The following AFG2A variants were observed in gnomAD, a reference collection of about 807,000 sequenced individuals.
The protein encoded by AFG2A is ATPase family gene 2 protein homolog A.
At chr4:123,009,356 G>A in the AFG2A span, among the ~76,000 whole-genome samples, 1 of 152,110 alleles carries the variant, frequency 6.6e-6, no homozygotes, top group African/African-American at 2.4e-5. Flanking sequence ...ACTTCCCAGG[G>A]CAAAAGCAAG....
chr4:123,024,227 CAAA>C, the AFG2A span, among the ~76,000 whole-genome samples: 2 of 123,656 alleles, frequency 1.6e-5, no homozygotes, highest in African/African-American at 3.2e-5. Flanking sequence ...AGACTATAAG[CAAA>C]AAAAAAAAAA....
At chr4:123,265,778 G>C in the AFG2A span, among the ~76,000 whole-genome samples, 1 of 152,148 alleles carries the variant, frequency 6.6e-6, no homozygotes, top group East Asian at 1.9e-4. Flanking sequence ...AGTCCCCAAG[G>C]CTGATATCCA....
the AFG2A span, among the ~76,000 whole-genome samples, chr4:123,043,056 G>T: frequency 6.6e-6 from 1 of 152,054 alleles, no homozygotes; most frequent in African/African-American, 2.4e-5. Context: ...AATATTTCTT[G>T]TAGTGGAGAT....
the AFG2A span, among the ~76,000 whole-genome samples, chr4:123,161,181 T>G: frequency 6.6e-6 from 1 of 152,220 alleles, no homozygotes; most frequent in Non-Finnish European, 1.5e-5. Context: ...TCACTGAATT[T>G]TTTTTGATTG....
chr4:123,305,995 G>A, the AFG2A span, among the ~76,000 whole-genome samples: 3 of 152,122 alleles, frequency 2.0e-5, no homozygotes, highest in African/African-American at 4.8e-5. Flanking sequence ...TTCTCATCCC[G>A]CGGAGTTGCT....
At chr4:123,277,630 A>G in the AFG2A span, among the ~76,000 whole-genome samples, 1 of 152,088 alleles carries the variant, frequency 6.6e-6, no homozygotes, top group Non-Finnish European at 1.5e-5. Flanking sequence ...GATGGCTCTT[A>G]TTATTTTGAA....
chr4:123,047,355 G>A, the AFG2A span, among the ~76,000 whole-genome samples: 3 of 148,546 alleles, frequency 2.0e-5, no homozygotes, highest in South Asian at 2.1e-4. Flanking sequence ...TTATGATGTC[G>A]AACATTTTTT....
At chr4:122,944,543 T>C in the AFG2A span, among the ~76,000 whole-genome samples, 1 of 152,192 alleles carries the variant, frequency 6.6e-6, no homozygotes, top group East Asian at 1.9e-4. Context: ...TCGCCTAAAT[T>C]TTTTTCAAAG....
At chr4:123,123,951 CAAAAAAAAAAA>C in the AFG2A span, among the ~76,000 whole-genome samples, 5 of 35,766 alleles carry the variant, frequency 1.4e-4, no homozygotes, top group Admixed American at 4.0e-4. Flanking sequence ...AACTCCGTCT[CAAAAAAAAAAA>C]AAAAAAAAAA....
chr4:122,988,406 T>C, the AFG2A span, among the ~76,000 whole-genome samples: 16 of 150,104 alleles, frequency 1.1e-4, no homozygotes, highest in African/African-American at 2.9e-4. Context: ...TCTTTCTTTT[T>C]TTTTTTTTTT....
the AFG2A span, among the ~76,000 whole-genome samples, chr4:122,973,529 CT>C: frequency 6.7e-6 from 1 of 150,028 alleles, no homozygotes; most frequent in East Asian, 2.0e-4. Context: ...TTCCCATTGT[CT>C]TTTTAGTTAA....
the AFG2A span, among the ~76,000 whole-genome samples, chr4:122,989,724 G>C: frequency 1.3e-5 from 2 of 152,160 alleles, no homozygotes; most frequent in Non-Finnish European, 2.9e-5. Context: ...TCTGTGGGGA[G>C]AGCTGGATGC....
the AFG2A span, among the ~76,000 whole-genome samples, chr4:123,221,476 A>G: frequency 0.013 from 1,920 of 152,142 alleles, 50 homozygotes; most frequent in African/African-American, 0.044. Flanking sequence ...GATGTCTTTT[A>G]TACACCAGAT....
chr4:123,152,380 T>C, the AFG2A span, among the ~76,000 whole-genome samples: 1 of 152,304 alleles, frequency 6.6e-6, no homozygotes, highest in South Asian at 2.1e-4. Context: ...AAAGGACTGT[T>C]ATCCAAAATA....
At chr4:122,936,258 T>G in the AFG2A span, 1 of 687,278 alleles carries the variant, frequency 1.5e-6, no homozygotes, top group Non-Finnish European at 2.2e-6. Context: ...AGTACAAAAA[T>G]TATAGTGATA....
At chr4:123,015,818 CCCCA>C in the AFG2A span, among the ~76,000 whole-genome samples, 4 of 68,690 alleles carry the variant, frequency 5.8e-5, no homozygotes, top group Non-Finnish European at 3.5e-5. Context: ...GGGCTGACCC[CCCCA>C]CCTCCCTCCC....
the AFG2A span, among the ~76,000 whole-genome samples, chr4:122,953,465 G>A: frequency 6.6e-6 from 1 of 152,212 alleles, no homozygotes; most frequent in Non-Finnish European, 1.5e-5. Context: ...ATTCTTAGGC[G>A]ACCAATATAT....
the AFG2A span, among the ~76,000 whole-genome samples, chr4:122,951,281 A>G: frequency 6.6e-6 from 1 of 152,232 alleles, no homozygotes; most frequent in South Asian, 2.1e-4. Flanking sequence ...TATTTAAATT[A>G]TATGGGAGGA....
chr4:122,923,782 A>T, the AFG2A span, among the ~76,000 whole-genome samples: 2 of 152,198 alleles, frequency 1.3e-5, no homozygotes, highest in African/African-American at 4.8e-5. Flanking sequence ...TAGTGTTAGC[A>T]GTATATATAG....
Sources: gnomAD v4.1 joint callset for allele counts (sites outside exome capture counted in the v4.1 genomes callset) on GRCh38, gnomAD v4.1.1 for gene constraint, MANE v1.5 for transcripts, NCBI Gene and HGNC (gene_info 2026-07-23, HGNC 2026-07-21) for gene names.